The following HPS4 variants were observed in gnomAD, a reference collection of about 807,000 sequenced individuals.
The protein encoded by HPS4 is BLOC-3 complex member HPS4.
A neutral mutation model predicts 70.3 loss-of-function variants in HPS4; 44 were observed. The observed-to-expected ratio is 0.63, with a 90% CI of 0.49 to 0.80. HPS4 has a LOEUF of 0.80. Among genes scored for constraint, HPS4 ranks in the 30% least tolerant of loss-of-function variants. The pLI, the probability that HPS4 is intolerant of heterozygous loss-of-function variation, is 0.00. For synonymous variants in HPS4, 377 were observed against 355.9 expected (o/e 1.06, Z -0.67); for missense variants, 873 against 884.4 (o/e 0.99, Z 0.16).
intron 11 of HPS4, among the ~76,000 whole-genome samples, chr22:26,462,396 G>A (rs2087487064): frequency 6.6e-6 from 1 of 152,192 alleles, no homozygotes; most frequent in Admixed American, 6.5e-5. Context: ...CTGGGGTGGG[G>A]AACCAGAAAC....
chr22:26,468,269 TAA>T, intron 8 of HPS4: 1 of 475,258 alleles, frequency 2.1e-6, no homozygotes, highest in Non-Finnish European at 3.9e-6. Context: ...CTCTTTGACA[TAA>T]AGAGACATCA....
At chr22:26,443,210 T>C, downstream of HPS4, 1 of 1,613,042 alleles carries the variant, frequency 6.2e-7, no homozygotes. Context: ...ACGATGAGAG[T>C]ATTTCCCATG....
intron 10 of HPS4, among the ~76,000 whole-genome samples, 189 bp from the exon 11 acceptor site, chr22:26,465,015 T>C (rs1275382003): frequency 6.6e-6 from 1 of 152,202 alleles, no homozygotes; most frequent in Non-Finnish European, 1.5e-5. Context: ...GGGCTTTACG[T>C]AGTGACACCA....
intron 3 of HPS4, among the ~76,000 whole-genome samples, chr22:26,478,523 A>G (rs1412010953): frequency 1.4e-5 from 2 of 145,294 alleles, no homozygotes; most frequent in Non-Finnish European, 3.0e-5. Flanking sequence ...GTGAGCAGAG[A>G]TCATGCCACT....
chr22:26,477,606 A>G (rs576222049), intron 3 of HPS4, among the ~76,000 whole-genome samples: 92 of 152,268 alleles, frequency 6.0e-4, no homozygotes, highest in Middle Eastern at 3.4e-3. Flanking sequence ...AGAATCTCCT[A>G]ATCAACCTTA....
intron 4 of HPS4, chr22:26,476,592 CTTTT>C (rs548797058): frequency 5.9e-6 from 1 of 169,064 alleles, no homozygotes; most frequent in African/African-American, 2.6e-5. Context: ...AAGCAATATT[CTTTT>C]TTTTTTTTTA....
At chr22:26,465,356 A>G (rs894162200) in intron 10 of HPS4, 99 bp downstream of exon 10, 2 of 830,174 alleles carry the variant, frequency 2.4e-6, no homozygotes, top group Non-Finnish European at 2.1e-6. Context: ...AGATGGAATT[A>G]AGGAACGATG....
Position 26,452,004 on chromosome 22 carries a change from G to GCGCGCACACA in HPS4, c.*1228_*1229insTGTGTGCGCG, listed in dbSNP as rs886057307. ...CCACGTTACGCGCGCGCGCGCGCGC[G>GCGCGCACACA]CACACACACACACACACACACACAC... On this transcript the variant is annotated 3_prime_UTR_variant, in exon 14 of 14. Coordinates refer to ENST00000398145, the MANE Select transcript of HPS4 (RefSeq NM_022081.6). The GCGCGCACACA allele has an allele frequency of 3.8e-5, 4 of 105,716 alleles. No individual in the cohort carries two copies. Among genetic ancestry groups the GCGCGCACACA allele is most frequent in the African/African-American group, 1.8e-4 (4 of 21,956 alleles). 6.5% of individuals were successfully genotyped at this position (105,716 alleles called of 1,614,324 possible).
chr22:26,453,724 T>G, intron 13 of HPS4: 1 of 405,574 alleles, frequency 2.5e-6, no homozygotes. Context: ...TACTGGCAGC[T>G]ATGCAATGTG....
intron 13 of HPS4, among the ~76,000 whole-genome samples, chr22:26,456,471 C>T (rs1052091969): frequency 5.3e-5 from 8 of 152,132 alleles, no homozygotes; most frequent in Non-Finnish European, 1.0e-4. Flanking sequence ...CTATCCTGGC[C>T]AACATGGTGA....
chr22:26,471,560 G>A (rs1169640750), intron 6 of HPS4, among the ~76,000 whole-genome samples: 2 of 152,178 alleles, frequency 1.3e-5, no homozygotes, highest in Non-Finnish European at 2.9e-5. Context: ...ATTCTTCATA[G>A]CCTCAAGACT....
At chr22:26,469,215 G>A (rs566073400) in intron 7 of HPS4, among the ~76,000 whole-genome samples, 11 of 150,886 alleles carry the variant, frequency 7.3e-5, no homozygotes, top group Non-Finnish European at 7.4e-5. Context: ...GGGAGGCTGA[G>A]GTGGGAGAAT....
At chr22:26,479,010 G>T (rs929606341) in intron 3 of HPS4, among the ~76,000 whole-genome samples, 1 of 152,106 alleles carries the variant, frequency 6.6e-6, no homozygotes, top group Non-Finnish European at 1.5e-5. Context: ...AAACCAAGCT[G>T]ATCAAAAAAT....
At chr22:26,462,126 CAAAAAAAAAA>C (rs10711513) in intron 11 of HPS4, among the ~76,000 whole-genome samples, 3 of 137,018 alleles carry the variant, frequency 2.2e-5, no homozygotes, top group Admixed American at 7.3e-5. Flanking sequence ...AACTCCATCT[CAAAAAAAAAA>C]AAAAAAAAGA....
chr22:26,481,196 A>T (rs2091253223), intron 2 of HPS4, among the ~76,000 whole-genome samples: 1 of 151,660 alleles, frequency 6.6e-6, no homozygotes, highest in African/African-American at 2.4e-5. Flanking sequence ...ATAAATAATC[A>T]GTCACTAAAT....
chr22:26,447,416 C>T (rs975582596), downstream of HPS4, among the ~76,000 whole-genome samples: 2 of 152,250 alleles, frequency 1.3e-5, no homozygotes, highest in East Asian at 1.9e-4. Context: ...GCCTTTTATT[C>T]GTAAGCCAAG....
At chr22:26,476,844 G>A (rs1035060484) in intron 4 of HPS4, 149 bp downstream of exon 4, 42 of 797,090 alleles carry the variant, frequency 5.3e-5, no homozygotes, top group Non-Finnish European at 7.4e-5. Context: ...CCTGCAGAGA[G>A]TACCACAGGA....
At chr22:26,465,333 C>T (rs1467242751) in intron 10 of HPS4, 122 bp downstream of exon 10, 1 of 745,786 alleles carries the variant, frequency 1.3e-6, no homozygotes, top group Non-Finnish European at 2.4e-6. Context: ...CTTTACAAGA[C>T]AGGGCATGGG....
At chr22:26,446,015 G>A (rs370778837), downstream of HPS4, among the ~76,000 whole-genome samples, 9 of 152,294 alleles carry the variant, frequency 5.9e-5, no homozygotes, top group South Asian at 1.9e-3. Context: ...ACAACAAGCG[G>A]AAGGGAAGAG....
Sources: allele counts gnomAD v4.1 joint callset (sites outside exome capture counted in the v4.1 genomes callset), GRCh38; gene constraint gnomAD v4.1.1; transcripts MANE v1.5; gene names NCBI Gene and HGNC (gene_info 2026-07-23, HGNC 2026-07-21).